The following CELF2 variants were observed in gnomAD, a reference collection of about 807,000 sequenced individuals.
CELF2 encodes the protein CUG triplet repeat RNA-binding protein 2.
In CELF2, 8 loss-of-function variants were observed where a neutral mutation model predicts 62.6. That is an observed-to-expected ratio of 0.13 (90% confidence interval 0.07 to 0.23). The LOEUF is 0.23. CELF2 is among the 10% of genes least tolerant of loss of function. The pLI is 1.00. For synonymous variants in CELF2, 258 were observed against 250.0 expected, an observed-to-expected ratio of 1.03 and a Z score of -0.30; for missense variants, 333 against 671.0, an observed-to-expected ratio of 0.50 and a Z score of 5.56.
In CELF2 at chr10:11,237,740, C is replaced by G. The variant is rs1051402559; in HGVS notation, c.355-11413C>G. Among the ~76,000 whole-genome samples, 1 of 127,312 alleles carries G rather than the reference C, an allele frequency of 7.9e-6. No individual in the cohort carries two copies. Among genetic ancestry groups the G allele is most frequent in the African/African-American group, 3.1e-5 (1 of 32,628 alleles). 83.5% of individuals were successfully genotyped at this position (127,312 alleles called of 152,430 possible). ...GAGCCCCACCTGACAACAGCTGGCACTGGGGAGGGCACCGAAGGCTGAGGG... is the reference window on the plus strand; with the variant it reads ...GAGCCCCACCTGACAACAGCTGGCAGTGGGGAGGGCACCGAAGGCTGAGGG... On this transcript the variant is annotated intron_variant, in intron 3 of 12. Transcript: ENST00000633077. The surrounding 1 kb of genome is among the most constrained non-coding windows in gnomAD (Gnocchi z 4.0).
At chr10:10,725,765 C>T in the CELF2 span, among the ~76,000 whole-genome samples, 1 of 152,058 alleles carries the variant, frequency 6.6e-6, no homozygotes, top group African/African-American at 2.4e-5. Context: ...AAATGCAGAA[C>T]GATATTCGGG....
the CELF2 span, among the ~76,000 whole-genome samples, chr10:10,722,306 G>A: frequency 2.3e-4 from 35 of 151,984 alleles, no homozygotes; most frequent in East Asian, 1.2e-3. Context: ...AAGCAAAACC[G>A]TCTTTCTAAA....
intron 1 of CELF2, among the ~76,000 whole-genome samples, chr10:11,122,161 C>T (rs1393826955): frequency 6.6e-6 from 1 of 152,174 alleles, no homozygotes; most frequent in Non-Finnish European, 1.5e-5. Context: ...TAGCACTATT[C>T]GTTATTTGGA....
chr10:10,631,630 A>T, the CELF2 span, among the ~76,000 whole-genome samples: 1 of 152,204 alleles, frequency 6.6e-6, no homozygotes, highest in Non-Finnish European at 1.5e-5. Context: ...AATTCCTAAA[A>T]TGTGAACGAG....
intron 9 of CELF2, among the ~76,000 whole-genome samples, chr10:11,298,654 G>A (rs1298675133): frequency 6.6e-6 from 1 of 151,660 alleles, no homozygotes; most frequent in African/African-American, 2.4e-5. Context: ...AGAATTAATT[G>A]CTAATACTCA....
At chr10:11,091,389 A>C (rs1438728190) in intron 1 of CELF2, among the ~76,000 whole-genome samples, 4 of 152,210 alleles carry the variant, frequency 2.6e-5, no homozygotes, top group Non-Finnish European at 5.9e-5. Context: ...TACAGAAGTT[A>C]ATCAGCCTGT....
Position 11,091,454 on chromosome 10 carries a change from C to T in CELF2, c.74+73291C>T, listed in dbSNP as rs572660985. 3.9e-5 allele frequency among the ~76,000 whole-genome samples: 6 copies of T among 152,322 alleles called. No individual in the cohort carries two copies. In the South Asian group the frequency reaches 6.2e-4, roughly 16 times the overall value. On this transcript the variant is annotated intron_variant, in intron 1 of 12. Coordinates refer to ENST00000633077, the MANE Select transcript of CELF2 (RefSeq NM_001326342.2). ...GCCTAGGACCTGAAAGAGATGAGGC[C>T]TTGAGTACATGGCACATCCCTTCAA...
intron 2 of CELF2, chr10:10,937,655 C>T (rs2135367129): frequency 6.6e-6 from 1 of 152,264 alleles, no homozygotes; most frequent in South Asian, 2.1e-4. Flanking sequence ...CAAGATTTGA[C>T]TTTCAATTCT....
the CELF2 span, among the ~76,000 whole-genome samples, chr10:10,618,336 T>C: frequency 1.5e-4 from 23 of 152,198 alleles, no homozygotes; most frequent in Non-Finnish European, 1.6e-4. Flanking sequence ...TTCATCTTAA[T>C]CCTCCATGCC....
At chr10:10,563,835 G>T in the CELF2 span, among the ~76,000 whole-genome samples, 2 of 151,952 alleles carry the variant, frequency 1.3e-5, no homozygotes, top group Non-Finnish European at 2.9e-5. Flanking sequence ...TCACCATCTA[G>T]ATAAGCCTCA....
chr10:11,046,243 G>T lies in CELF2; in HGVS notation c.74+28080G>T, dbSNP rs542361318. ...CCATCCCCAGACGTTCCGATTCAGCGGGTCCAAGGTGGGGCTGGGAATTTG... is the reference window on the plus strand; with the variant it reads ...CCATCCCCAGACGTTCCGATTCAGCTGGTCCAAGGTGGGGCTGGGAATTTG... On this transcript the variant is annotated intron_variant, in intron 1 of 12. Coordinates refer to ENST00000633077, the MANE Select transcript of CELF2 (RefSeq NM_001326342.2). The surrounding 1 kb of genome is among the most constrained non-coding windows in gnomAD (Gnocchi z 4.6). 6.6e-6 allele frequency among the ~76,000 whole-genome samples: 1 copy of T among 152,262 alleles called. No individual in the cohort carries two copies. Among genetic ancestry groups the T allele is most frequent in the East Asian group, 1.9e-4 (1 of 5,184 alleles).
At chr10:10,868,652 G>A (rs968984618) in intron 1 of CELF2, among the ~76,000 whole-genome samples, 1 of 152,190 alleles carries the variant, frequency 6.6e-6, no homozygotes, top group Non-Finnish European at 1.5e-5. Context: ...TGCCACTGCG[G>A]AAACTCTCCT....
chr10:11,298,981 T>G (rs2093455171), intron 9 of CELF2, among the ~76,000 whole-genome samples: 1 of 152,234 alleles, frequency 6.6e-6, no homozygotes, highest in Non-Finnish European at 1.5e-5. Context: ...TCCCCACCTT[T>G]CCTTTAAAAA....
the CELF2 span, among the ~76,000 whole-genome samples, chr10:10,641,143 T>C: frequency 6.6e-6 from 1 of 152,194 alleles, no homozygotes; most frequent in Non-Finnish European, 1.5e-5. Flanking sequence ...TCTGCACTCA[T>C]CAACAACAAT....
At chr10:10,527,493 G>T in the CELF2 span, among the ~76,000 whole-genome samples, 1 of 147,728 alleles carries the variant, frequency 6.8e-6, no homozygotes, top group Non-Finnish European at 1.5e-5. Flanking sequence ...AAAAATAAAA[G>T]TATTAATAAT....
chr10:10,633,499 G>A, the CELF2 span, among the ~76,000 whole-genome samples: 8 of 152,108 alleles, frequency 5.3e-5, no homozygotes, highest in Non-Finnish European at 4.4e-5. Context: ...GATTGTTGGT[G>A]TTTATATTGA....
At chr10:10,875,191 C>T (rs1368377616) in intron 1 of CELF2, among the ~76,000 whole-genome samples, 1 of 152,102 alleles carries the variant, frequency 6.6e-6, no homozygotes, top group Non-Finnish European at 1.5e-5. Context: ...TCCGATATTC[C>T]GTCTGAAAAT....
the CELF2 span, among the ~76,000 whole-genome samples, chr10:10,484,468 C>T: frequency 6.7e-6 from 1 of 148,464 alleles, no homozygotes; most frequent in Non-Finnish European, 1.5e-5. Flanking sequence ...AGGCACATGC[C>T]ACCATGCCCA....
chr10:10,711,913 A>G, the CELF2 span, among the ~76,000 whole-genome samples: 1 of 152,194 alleles, frequency 6.6e-6, no homozygotes, highest in African/African-American at 2.4e-5. Context: ...AGAGAGGGTA[A>G]AAAGTGAATG....
Sources: allele counts gnomAD v4.1 joint callset (sites outside exome capture counted in the v4.1 genomes callset), GRCh38; gene constraint gnomAD v4.1.1; non-coding constraint Gnocchi (gnomAD v3.1); transcripts MANE v1.5; gene names NCBI Gene and HGNC (gene_info 2026-07-23, HGNC 2026-07-21).